IDO2: variants seen among roughly 807,000 people sequenced by gnomAD.
IDO2 encodes indoleamine 2,3-dioxygenase 2, also known as indoleamine 2,3-dioxygenase-like 1 protein.
In IDO2, 46 loss-of-function variants were observed where a neutral mutation model predicts 45.1. The ratio of observed to expected loss-of-function variants is 1.02; its 90% CI spans 0.80 to 1.30. The LOEUF (loss-of-function observed/expected upper bound fraction) is 1.30, where lower values mean the gene tolerates loss of function less well. Among genes scored for constraint, IDO2 ranks in the 50% most tolerant of loss-of-function variants. The pLI is 0.00. For synonymous variants in IDO2, 218 were observed against 184.9 expected (o/e 1.18, Z -1.45); for missense variants, 544 against 491.8 (o/e 1.11, Z -1.00).
intron 4 of IDO2, among the ~76,000 whole-genome samples, chr8:39,982,325 G>T (rs952084369): frequency 3.4e-5 from 5 of 149,148 alleles, no homozygotes; most frequent in Admixed American, 2.7e-4. Flanking sequence ...TAATATTCTC[G>T]GGCCCCAGTT....
Position 39,997,001 on chromosome 8 carries a change from C to T in IDO2, c.667+7163C>T, listed in dbSNP as rs1449060409. Among the ~76,000 whole-genome samples the T allele has an allele frequency of 5.1e-5, 6 of 117,768 alleles. No individual in the cohort carries two copies. The South Asian group carries it at 1.2e-3, about 24-fold the overall frequency. 77.3% of individuals were successfully genotyped at this position (117,768 alleles called of 152,430 possible). A position where few individuals can be genotyped will look rare whatever the true frequency, so the allele number is the denominator to read the frequency against. ...TTCTGCATTCACACTTACTCAGTTACACTGTTGAAAAATGCTGCTGCTCAA... is the reference window on the plus strand; with the variant it reads ...TTCTGCATTCACACTTACTCAGTTATACTGTTGAAAAATGCTGCTGCTCAA... On this transcript the variant is annotated intron_variant, in intron 8 of 10. Transcript: ENST00000502986.
chr8:40,003,168 G>T (rs1175351824), intron 8 of IDO2, among the ~76,000 whole-genome samples: 1 of 152,054 alleles, frequency 6.6e-6, no homozygotes, highest in Non-Finnish European at 1.5e-5. Context: ...TCAGGAGTTT[G>T]AGACGAGCCT....
rs769666628 is a variant in IDO2 at position 40,013,667 on chromosome 8, T to TC, written c.823dup (p.His275ProfsTer4). The TC allele has an allele frequency of 3.7e-6, 6 of 1,613,868 alleles. No individual in the cohort carries two copies. The highest frequency in any genetic ancestry group is 1.6e-4 in the Middle Eastern group (1 of 6,062). ...GGAGTGCAGCTCAGAGCACAGTGCT[T>TC]CATGCCTTTGATGAGTTCTTAGGCA... On this transcript the variant is annotated frameshift_variant, in exon 10 of 11. Coordinates refer to ENST00000502986, the Ensembl canonical transcript of IDO2. LOFTEE classifies it high-confidence loss of function.
intron 2 of IDO2, among the ~76,000 whole-genome samples, chr8:39,958,910 G>A (rs1807945873): frequency 6.6e-6 from 1 of 152,098 alleles, no homozygotes; most frequent in South Asian, 2.1e-4. Flanking sequence ...TTATAAATTT[G>A]TTAAGAAAAT....
At chr8:39,934,770 T>C in exon 1 of IDO2, 1 of 282,542 alleles carries the variant, frequency 3.5e-6, no homozygotes, top group South Asian at 3.5e-5. Flanking sequence ...GAGGTGGTTG[T>C]ACTTTTGCCA....
At chr8:39,951,929 C>T (rs1033155492) in intron 2 of IDO2, among the ~76,000 whole-genome samples, 1 of 152,184 alleles carries the variant, frequency 6.6e-6, no homozygotes, top group Admixed American at 6.5e-5. Flanking sequence ...TCTTGTGATG[C>T]TCCCTGCCTG....
chr8:39,977,238 G>A (rs1363010670), intron 3 of IDO2, among the ~76,000 whole-genome samples: 1 of 152,166 alleles, frequency 6.6e-6, no homozygotes, highest in African/African-American at 2.4e-5. Flanking sequence ...TTGAATTGAT[G>A]ATAAACAGGC....
At chr8:39,981,409 G>A (rs1169709725) in intron 4 of IDO2, among the ~76,000 whole-genome samples, 1 of 151,996 alleles carries the variant, frequency 6.6e-6, no homozygotes, top group Non-Finnish European at 1.5e-5. Context: ...GTCTAGGCAC[G>A]TCCCAGTGGG....
At chr8:39,955,874 C>A (rs1427896248) in intron 2 of IDO2, among the ~76,000 whole-genome samples, 1 of 152,086 alleles carries the variant, frequency 6.6e-6, no homozygotes, top group African/African-American at 2.4e-5. Flanking sequence ...AACATTAAAA[C>A]GTAACCATAG....
intron 6 of IDO2, 42 bp from the exon 7 acceptor site, chr8:39,987,829 C>T (rs1463608903): frequency 8.3e-7 from 1 of 1,200,268 alleles, no homozygotes; most frequent in Admixed American, 1.9e-5. Flanking sequence ...ACTCACGGTA[C>T]AGTCTCCACA....
chr8:40,014,299 C>G (rs1173268302), intron 10 of IDO2, among the ~76,000 whole-genome samples: 3 of 152,194 alleles, frequency 2.0e-5, no homozygotes, highest in Non-Finnish European at 4.4e-5. Flanking sequence ...ATTCAAGTCA[C>G]TTCTCTAAAA....
At chr8:39,945,512 C>T (rs1807715878) in intron 1 of IDO2, among the ~76,000 whole-genome samples, 1 of 152,168 alleles carries the variant, frequency 6.6e-6, no homozygotes, top group African/African-American at 2.4e-5. Context: ...TATGTTGAAA[C>T]TGCAAAAGGG....
At chr8:39,986,546 A>T (rs116853845) in intron 6 of IDO2, 17 of 152,260 alleles carry the variant, frequency 1.1e-4, no homozygotes, top group Non-Finnish European at 2.2e-4. Flanking sequence ...GTGAAGGGCA[A>T]ATATGATCCT....
chr8:39,989,646 CAGTATG>C, intron 7 of IDO2, 69 bp from the exon 8 acceptor site: 1 of 1,023,018 alleles, frequency 9.8e-7, no homozygotes. Context: ...TGGGTTCCAA[CAGTATG>C]AGGCTTACTC....
chr8:39,993,770 G>A (rs1188332559), intron 8 of IDO2, among the ~76,000 whole-genome samples: 1 of 152,192 alleles, frequency 6.6e-6, no homozygotes. Flanking sequence ...AGCACACTGA[G>A]AGGAAGAGGC....
chr8:39,959,458 G>T (rs1394532991), intron 2 of IDO2, among the ~76,000 whole-genome samples: 1 of 11,016 alleles, frequency 9.1e-5, no homozygotes, highest in Non-Finnish European at 5.6e-4. Context: ...AAATATTTCT[G>T]TTGAGTAGAA....
At chr8:39,934,879 T>C (rs1466718596) in exon 1 of IDO2, 5 of 478,700 alleles carry the variant, frequency 1.0e-5, no homozygotes, top group Non-Finnish European at 1.9e-5. Context: ...AATTTTAAAG[T>C]TGGAAATCTG....
chr8:39,979,382 TCTCA>T (rs1428268698), intron 4 of IDO2, among the ~76,000 whole-genome samples, 196 bp downstream of exon 4: 1 of 152,184 alleles, frequency 6.6e-6, no homozygotes, highest in African/African-American at 2.4e-5. Context: ...TTTGAGCCAG[TCTCA>T]CTCTGTCACT....
At chr8:39,985,837 A>AT in intron 6 of IDO2, 1 of 259,486 alleles carries the variant, frequency 3.9e-6, no homozygotes, top group South Asian at 6.4e-5. Flanking sequence ...CTTGAAGTTT[A>AT]ATTTTTTTTT....
Sources: gnomAD v4.1 joint callset for allele counts (sites outside exome capture counted in the v4.1 genomes callset) on GRCh38, gnomAD v4.1.1 for gene constraint, MANE v1.5 for transcripts, NCBI Gene and HGNC (gene_info 2026-07-23, HGNC 2026-07-21) for gene names.